The following SLC36A1 variants were observed in gnomAD, a reference collection of about 807,000 sequenced individuals.
SLC36A1 encodes proton-coupled amino acid transporter 1.
In SLC36A1, 30 loss-of-function variants were observed where a neutral mutation model predicts 47.5. That is an observed-to-expected ratio of 0.63 (90% CI 0.47 to 0.86). The LOEUF is 0.86. Ranked by LOEUF, SLC36A1 falls within the 40% of genes least tolerant of loss-of-function variation. The probability of loss-of-function intolerance (pLI) is 0.00; values close to 1 mark genes in which losing one functional copy is unlikely to be tolerated. For missense variants in SLC36A1, 517 were observed against 606.0 expected, an observed-to-expected ratio of 0.85 and a Z score of 1.54; for synonymous variants, 255 against 249.7, an observed-to-expected ratio of 1.02 and a Z score of -0.20.
downstream of SLC36A1, among the ~76,000 whole-genome samples, chr5:151,495,861 T>C (rs1760323542): frequency 6.6e-6 from 1 of 152,252 alleles, no homozygotes; most frequent in African/African-American, 2.4e-5. Flanking sequence ...CAATAGTTTT[T>C]TTCTTTTTAT....
At chr5:151,453,429 T>C (rs796301650) in intron 1 of SLC36A1, among the ~76,000 whole-genome samples, 8 of 152,124 alleles carry the variant, frequency 5.3e-5, no homozygotes, top group African/African-American at 1.9e-4. Context: ...AGTGTGCACA[T>C]TTCAATTTTA....
chr5:151,358,835 G>A, the SLC36A1 span, among the ~76,000 whole-genome samples: 9 of 151,670 alleles, frequency 5.9e-5, no homozygotes, highest in Admixed American at 2.0e-4. Flanking sequence ...TTAGCCGGGC[G>A]CGGTGGCGGG....
chr5:151,437,449 T>A (rs1759836105), intron 1 of SLC36A1, among the ~76,000 whole-genome samples: 1 of 152,202 alleles, frequency 6.6e-6, no homozygotes, highest in South Asian at 2.1e-4. Flanking sequence ...TATCTTTCTG[T>A]TTTTTAATCA....
chr5:151,480,186 G>T, intron 10 of SLC36A1: 1 of 700,770 alleles, frequency 1.4e-6, no homozygotes, highest in South Asian at 3.5e-5. Context: ...TGAGCAAATC[G>T]GTTGATAATA....
chr5:151,413,570 A>G, the SLC36A1 span, among the ~76,000 whole-genome samples: 1 of 152,090 alleles, frequency 6.6e-6, no homozygotes, highest in Non-Finnish European at 1.5e-5. Flanking sequence ...TTTATTTTTT[A>G]TTCCCTCATT....
chr5:151,485,535 C>T (rs1040408908), intron 10 of SLC36A1, among the ~76,000 whole-genome samples: 1 of 152,148 alleles, frequency 6.6e-6, no homozygotes, highest in African/African-American at 2.4e-5. Flanking sequence ...TCCACTGATC[C>T]GCCAGACTCC....
In SLC36A1 at chr5:151,488,016, T is replaced by A; in HGVS notation, c.1193T>A (p.Leu398Gln). The change falls in exon 11 of 11, where the codon CTG (leucine) becomes CAG (glutamine). Residue 398 changes from leucine to glutamine, a missense_variant. By Grantham distance (113) the Leu-to-Gln change is moderately radical. Coordinates refer to ENST00000243389, the MANE Select transcript of SLC36A1 (RefSeq NM_078483.4). ...ILAILIPRLD[L>Q]VISLVGSVSS... Reference sequence around the variant, plus strand: ...GCCATCCTCATCCCCCGCCTGGACCTGGTCATCTCCCTGGTGGGCTCCGTG... The same window carrying A: ...GCCATCCTCATCCCCCGCCTGGACCAGGTCATCTCCCTGGTGGGCTCCGTG... 3.7e-6 allele frequency: 6 copies of A among 1,614,152 alleles called. No individual in the cohort carries two copies. The highest frequency in any genetic ancestry group is 5.1e-6 in the Non-Finnish European group (6 of 1,180,028).
At chr5:151,465,309 C>T (rs1353520114) in intron 5 of SLC36A1, 140 bp downstream of exon 5, 1 of 713,060 alleles carries the variant, frequency 1.4e-6, no homozygotes, top group East Asian at 2.6e-5. Context: ...CTCAGCTCTG[C>T]TGGTAGTAAG....
At chr5:151,549,372 C>T in the SLC36A1 span, 31 of 1,614,036 alleles carry the variant, frequency 1.9e-5, no homozygotes, top group South Asian at 3.1e-4. Context: ...CAGCTCTGTG[C>T]CGGGGGCTAT....
chr5:151,471,564 ATAAT>A (rs1339386309), intron 7 of SLC36A1, among the ~76,000 whole-genome samples: 1 of 152,220 alleles, frequency 6.6e-6, no homozygotes, highest in Non-Finnish European at 1.5e-5. Flanking sequence ...TGACTCAGGA[ATAAT>A]TACAGGCCAC....
chr5:151,430,138 T>G, the SLC36A1 span, among the ~76,000 whole-genome samples: 1 of 151,490 alleles, frequency 6.6e-6, no homozygotes, highest in Non-Finnish European at 1.5e-5. Flanking sequence ...GCAGCTAGTC[T>G]GAGTCAGGCT....
the SLC36A1 span, chr5:151,553,317 C>T: frequency 3.1e-6 from 5 of 1,614,238 alleles, no homozygotes; most frequent in Non-Finnish European, 4.2e-6. Flanking sequence ...CGGCCGGGGC[C>T]AAGGGATCCA....
the SLC36A1 span, among the ~76,000 whole-genome samples, chr5:151,354,311 CAAAG>C: frequency 2.0e-5 from 3 of 152,146 alleles, no homozygotes; most frequent in Non-Finnish European, 4.4e-5. Context: ...CTCAAATAAA[CAAAG>C]AAACAAACAA....
the SLC36A1 span, chr5:151,347,304 C>T: frequency 5.0e-6 from 8 of 1,614,170 alleles, no homozygotes; most frequent in South Asian, 8.8e-5. Context: ...CACGTTATGC[C>T]CTTGGTCTTC....
At chr5:151,352,758 A>G in the SLC36A1 span, among the ~76,000 whole-genome samples, 1 of 152,058 alleles carries the variant, frequency 6.6e-6, no homozygotes, top group Admixed American at 6.5e-5. Flanking sequence ...CTTCTATCCC[A>G]TGGGCTTCTT....
At chr5:151,520,385 G>T in the SLC36A1 span, among the ~76,000 whole-genome samples, 1 of 152,210 alleles carries the variant, frequency 6.6e-6, no homozygotes, top group African/African-American at 2.4e-5. Flanking sequence ...GCCTTCATTG[G>T]AAGCTGTACA....
At chr5:151,380,405 G>A in the SLC36A1 span, 1 of 393,334 alleles carries the variant, frequency 2.5e-6, no homozygotes, top group Admixed American at 3.2e-5. Context: ...AAGAGCGTGT[G>A]GAAACCCAAA....
the SLC36A1 span, chr5:151,347,208 GA>G: frequency 6.7e-7 from 1 of 1,498,520 alleles, no homozygotes; most frequent in East Asian, 2.3e-5. Flanking sequence ...ACAGTGGGTT[GA>G]GGGTCAGACA....
At chr5:151,395,347 C>T in the SLC36A1 span, among the ~76,000 whole-genome samples, 36 of 152,206 alleles carry the variant, frequency 2.4e-4, no homozygotes, top group African/African-American at 5.3e-4. Flanking sequence ...TGACCCCTTG[C>T]GCTTCCCGGG....
Sources: gnomAD v4.1 joint callset for allele counts (sites outside exome capture counted in the v4.1 genomes callset) on GRCh38, gnomAD v4.1.1 for gene constraint, MANE v1.5 for transcripts, NCBI Gene and HGNC (gene_info 2026-07-23, HGNC 2026-07-21) for gene names.